The following MAGI1 variants were observed in gnomAD, a reference collection of about 807,000 sequenced individuals.
The protein encoded by MAGI1 is membrane associated guanylate kinase, WW and PDZ domain containing 1, also known as membrane-associated guanylate kinase, WW and PDZ domain-containing protein 1.
MAGI1 carries 58 observed loss-of-function variants against 139.9 expected under a neutral mutation model. That is an observed-to-expected ratio of 0.41 (90% confidence interval 0.34 to 0.52). MAGI1 has a LOEUF of 0.52. Among genes scored for constraint, MAGI1 ranks in the 20% least tolerant of loss-of-function variants. MAGI1 has a pLI of 0.12. For synonymous variants in MAGI1, 812 were observed against 737.9 expected (o/e 1.10, Z -1.63); for missense variants, 1,874 against 1,901.6 (o/e 0.99, Z 0.27).
At chr3:65,695,681 A>G (rs2089114931) in intron 1 of MAGI1, among the ~76,000 whole-genome samples, 1 of 152,198 alleles carries the variant, frequency 6.6e-6, no homozygotes, top group Non-Finnish European at 1.5e-5. Context: ...TTAAGGAGAG[A>G]TAAGGCACTG....
intron 2 of MAGI1, among the ~76,000 whole-genome samples, chr3:65,525,354 T>C (rs374325880): frequency 1.3e-5 from 2 of 152,290 alleles, no homozygotes; most frequent in African/African-American, 4.8e-5. Context: ...TCCTTTACAG[T>C]ATTTGTAGCC....
intron 12 of MAGI1, among the ~76,000 whole-genome samples, chr3:65,420,213 G>C (rs1453568117): frequency 6.6e-6 from 1 of 152,070 alleles, no homozygotes. Flanking sequence ...TCCAGGTCCT[G>C]GCCTCCAGTC....
At chr3:65,928,048 T>C (rs1446167221) in intron 1 of MAGI1, among the ~76,000 whole-genome samples, 3 of 152,176 alleles carry the variant, frequency 2.0e-5, no homozygotes. Context: ...TTTCTTAGAA[T>C]TTTCACCTCC....
At chr3:65,821,519 T>C (rs1384113508) in intron 1 of MAGI1, among the ~76,000 whole-genome samples, 1 of 152,212 alleles carries the variant, frequency 6.6e-6, no homozygotes, top group African/African-American at 2.4e-5. Context: ...CCTTGGATCT[T>C]TATCTGCAAA....
chr3:65,891,883 A>G (rs2566357), intron 1 of MAGI1, among the ~76,000 whole-genome samples: 5,969 of 99,742 alleles, frequency 0.06, 598 homozygotes, highest in African/African-American at 0.22. Context: ...AACTTAAAGT[A>G]TAATATATAT....
intron 6 of MAGI1, among the ~76,000 whole-genome samples, chr3:65,452,306 A>G (rs1949079636): frequency 6.6e-6 from 1 of 152,222 alleles, no homozygotes. Flanking sequence ...ACAGTATTAT[A>G]CTATAAAATA....
At chr3:66,029,252 A>T (rs2068467074) in intron 1 of MAGI1, among the ~76,000 whole-genome samples, 1 of 152,150 alleles carries the variant, frequency 6.6e-6, no homozygotes, top group Admixed American at 6.5e-5. Context: ...TGATGACACT[A>T]TATATAGCAG....
chr3:65,711,963 TTA>T (rs141067973), intron 1 of MAGI1, among the ~76,000 whole-genome samples: 4,392 of 152,234 alleles, frequency 0.029, 195 homozygotes, highest in African/African-American at 0.095. Flanking sequence ...ATATTGCAAT[TTA>T]TCTTTTATTC....
intron 1 of MAGI1, among the ~76,000 whole-genome samples, chr3:65,849,756 A>G (rs2059142452): frequency 6.6e-6 from 1 of 152,116 alleles, no homozygotes; most frequent in Admixed American, 6.5e-5. Context: ...CAATGGTTAG[A>G]CTGTGTATTT....
At chr3:65,425,157 C>T (rs1466758563) in intron 12 of MAGI1, among the ~76,000 whole-genome samples, 1 of 125,184 alleles carries the variant, frequency 8.0e-6, no homozygotes, top group Admixed American at 7.9e-5. Flanking sequence ...CATGCCTAAA[C>T]ATCATACAAT....
intron 1 of MAGI1, among the ~76,000 whole-genome samples, chr3:65,626,456 C>T (rs1364007920): frequency 6.6e-6 from 1 of 152,122 alleles, no homozygotes; most frequent in African/African-American, 2.4e-5. Context: ...TGCCAAGTAG[C>T]TGGGACTACA....
chr3:65,362,389 G>C (rs1940961670), intron 21 of MAGI1, among the ~76,000 whole-genome samples: 1 of 151,702 alleles, frequency 6.6e-6, no homozygotes, highest in Non-Finnish European at 1.5e-5. Context: ...AAAAGGCAAG[G>C]GAAAATAAAT....
intron 4 of MAGI1, among the ~76,000 whole-genome samples, chr3:65,476,900 G>T (rs1054559948): frequency 5.9e-5 from 9 of 152,126 alleles, no homozygotes; most frequent in South Asian, 2.1e-4. Flanking sequence ...TAAAACATAG[G>T]TACAAGGTGG....
chr3:65,485,009 A>G (rs1951541235), intron 3 of MAGI1, among the ~76,000 whole-genome samples: 2 of 152,200 alleles, frequency 1.3e-5, no homozygotes, highest in Admixed American at 6.5e-5. Flanking sequence ...CCAGGCACAT[A>G]CCATTACCCG....
Position 65,957,604 on chromosome 3 carries a change from G to T in MAGI1, c.313+80392C>A, listed in dbSNP as rs142681578. Among the ~76,000 whole-genome samples, 1,089 of 151,896 alleles carry T rather than the reference G, an allele frequency of 7.2e-3. 6 individuals are homozygous for T. The highest frequency in any genetic ancestry group is 0.017 in the Middle Eastern group (5 of 292). ...GGACAAATCTCAATACAATGTTGAGGAAATGAAGTCAGGTATAAAAGAATC... is the reference window on the plus strand; with the variant it reads ...GGACAAATCTCAATACAATGTTGAGTAAATGAAGTCAGGTATAAAAGAATC... On this transcript the variant is annotated intron_variant, in intron 1 of 22. Transcript: ENST00000402939.
chr3:65,787,804 G>A (rs1006283745), intron 1 of MAGI1, among the ~76,000 whole-genome samples: 4 of 152,038 alleles, frequency 2.6e-5, no homozygotes, highest in African/African-American at 7.3e-5. Flanking sequence ...AAAATATGGG[G>A]AGAAAGGCAT....
chr3:65,510,192 C>A (rs1396581803), intron 2 of MAGI1, among the ~76,000 whole-genome samples: 11 of 152,298 alleles, frequency 7.2e-5, no homozygotes, highest in East Asian at 1.9e-4. Context: ...GATAAAACCA[C>A]AAAGATGGGG....
intron 8 of MAGI1, among the ~76,000 whole-genome samples, chr3:65,440,514 G>T (rs1354992097): frequency 2.6e-5 from 4 of 152,060 alleles, no homozygotes; most frequent in Non-Finnish European, 4.4e-5. Context: ...GATTAAAGTG[G>T]CTATGTGACA....
chr3:65,734,570 G>GGA (rs143441869), intron 1 of MAGI1, among the ~76,000 whole-genome samples: 46,631 of 145,778 alleles, frequency 0.32, 7,735 homozygotes, highest in African/African-American at 0.4. Flanking sequence ...AGAGAGAGAG[G>GGA]GAGAGAGAGA....
Sources: allele counts gnomAD v4.1 joint callset (sites outside exome capture counted in the v4.1 genomes callset), GRCh38; gene constraint gnomAD v4.1.1; transcripts MANE v1.5; gene names NCBI Gene and HGNC (gene_info 2026-07-23, HGNC 2026-07-21).